Variants in IL23R observed in about 807,000 individuals in gnomAD.
IL23R encodes the protein interleukin 23 receptor, also known as interleukin-23 receptor.
A neutral mutation model predicts 56.9 loss-of-function variants in IL23R; 34 were observed. The ratio of observed to expected loss-of-function variants is 0.60; its 90% CI spans 0.45 to 0.80. IL23R has a LOEUF of 0.80. IL23R is among the 30% of genes least tolerant of loss of function. The probability of loss-of-function intolerance (pLI) is 0.00; values close to 1 mark genes in which losing one functional copy is unlikely to be tolerated. For synonymous variants in IL23R, 230 were observed against 249.2 expected (o/e 0.92, Z 0.73); for missense variants, 635 against 730.0 (o/e 0.87, Z 1.50).
chr1:67,195,610 A>G (rs1570823124), intron 4 of IL23R, among the ~76,000 whole-genome samples: 1 of 152,100 alleles, frequency 6.6e-6, no homozygotes, highest in Non-Finnish European at 1.5e-5. Context: ...TCGTCCTCTC[A>G]TGGTGTTCAT....
chr1:67,236,715 C>A lies in IL23R; in HGVS notation c.958C>A (p.Pro320Thr). 2 of 1,610,388 alleles carry A rather than the reference C, an allele frequency of 1.2e-6. No homozygotes were observed. Among genetic ancestry groups the A allele is most frequent in the South Asian group, 1.1e-5 (1 of 91,004 alleles). The change falls in exon 8 of 11, where the codon CCC becomes ACC. Residue 320 changes from proline (P) to threonine (T), a missense_variant and splice_region_variant. By Grantham distance (38) the Pro-to-Thr change is conservative. Transcript: ENST00000347310. ...LFFHKTPETV[P>T]QVTSKAFQHD... is the part of the protein sequence containing the mutation. ...ACACTCTTTCCTTTTGGTTTAAGTT[C>A]CCCAGGTCACATCAAAAGCATTCCA...
chr1:67,263,058 G>A (rs567423447), downstream of IL23R, among the ~76,000 whole-genome samples: 3 of 151,176 alleles, frequency 2.0e-5, no homozygotes, highest in South Asian at 2.1e-4. Context: ...TGCTTGGTAC[G>A]TGTGCAGGTG....
At chr1:67,243,936 A>G (rs576905255) in intron 9 of IL23R, among the ~76,000 whole-genome samples, 1 of 152,302 alleles carries the variant, frequency 6.6e-6, no homozygotes, top group Admixed American at 6.5e-5. Flanking sequence ...ACAGTGTAAA[A>G]GCATTCCTAT....
chr1:67,155,639 A>G (rs1646764923), intron 1 of IL23R, among the ~76,000 whole-genome samples: 1 of 152,146 alleles, frequency 6.6e-6, no homozygotes, highest in Admixed American at 6.5e-5. Flanking sequence ...TTTCAGCTCC[A>G]TCACATCATT....
upstream of IL23R, among the ~76,000 whole-genome samples, chr1:67,163,150 C>T (rs1469847099): frequency 6.6e-6 from 1 of 152,050 alleles, no homozygotes; most frequent in Non-Finnish European, 1.5e-5. Context: ...GCAGCTGCTA[C>T]AGATACCATC....
chr1:67,206,907 T>TAA lies in IL23R; in HGVS notation c.653-2_653-1insAA. 2 of 1,403,644 alleles carry TAA rather than the reference T, an allele frequency of 1.4e-6. No individual in the cohort carries two copies. Among genetic ancestry groups the TAA allele is most frequent in the Non-Finnish European group, 1.9e-6 (2 of 1,040,946 alleles). The allele number at this position is 1,403,644 out of a possible 1,614,324, so 86.9% of individuals were successfully genotyped here. On this transcript the variant is annotated splice_region_variant and splice_polypyrimidine_tract_variant and intron_variant, in intron 5 of 10. Coordinates refer to ENST00000347310, the MANE Select transcript of IL23R (RefSeq NM_144701.3). The stretch of plus-strand genomic sequence containing the variant: ...GTCTTTTTTTTTTTTTTTTTTTTTC[T>TAA]AGTGATACCTTCTGCAGCCGTCATT...
intron 1 of IL23R, among the ~76,000 whole-genome samples, chr1:67,150,314 T>C (rs1646716995): frequency 6.7e-6 from 1 of 148,756 alleles, no homozygotes; most frequent in Admixed American, 6.8e-5. Context: ...GCAGGTTCAT[T>C]ACATAGGTAT....
intron 4 of IL23R, among the ~76,000 whole-genome samples, chr1:67,194,626 G>A (rs1647998983): frequency 6.6e-6 from 1 of 152,154 alleles, no homozygotes; most frequent in Non-Finnish European, 1.5e-5. Context: ...TAGTAACTAT[G>A]GTTACTGTCA....
rs896925258 is a variant in IL23R at position 67,161,417 on chromosome 1, G to GA, written c.-633-6668dup. ...GGAAGTTATAGAAAAGCAAAAGGAA[G>GA]AAAAAAATCATAATTCCATAATCCA... is the stretch of plus-strand genomic sequence containing the variant. On this transcript the variant is annotated intron_variant, in intron 1 of 10. Transcript: ENST00000637002. Among the ~76,000 whole-genome samples the GA allele has an allele frequency of 3.2e-4, 49 of 151,890 alleles. 1 individual carries two copies. Among genetic ancestry groups the GA allele is most frequent in the Admixed American group, 2.0e-4 (3 of 15,246 alleles).
Position 67,141,961 on chromosome 1 carries a change from T to C in IL23R, c.-634+2800T>C, listed in dbSNP as rs537148353. Among the ~76,000 whole-genome samples the C allele has an allele frequency of 1.1e-4, 16 of 152,292 alleles. No homozygotes were observed. The East Asian group carries it at 2.9e-3, about 28-fold the overall frequency. On this transcript the variant is annotated intron_variant, in intron 1 of 10. Coordinates refer to the IL23R transcript ENST00000637002. ...CAAAGACAGTTATTCAATTAAGACA[T>C]GCATTACATTATTTCTTACTTTTTA... is the stretch of plus-strand genomic sequence containing the variant.
chr1:67,200,852 G>T lies in IL23R; in HGVS notation c.607G>T (p.Gly203Cys). 6.2e-7 allele frequency: 1 copy of T among 1,614,058 alleles called. No individual in the cohort carries two copies. The highest frequency in any genetic ancestry group is 1.1e-5 in the South Asian group (1 of 91,074). The change falls in exon 5 of 11, where the codon GGC becomes TGC. Residue 203 changes from glycine (G) to cysteine (C), a missense_variant. Gly to Cys is a radical substitution (Grantham distance 159, BLOSUM62 -3). Coordinates refer to ENST00000347310, the MANE Select transcript of IL23R (RefSeq NM_144701.3). The part of the protein sequence containing the change: ...LVWVQAANAL[G>C]MEESKQLQIH... ...TTGGGTCCAAGCAGCAAACGCACTA[G>T]GCATGGAAGAGTCAAAACAACTGCA...
chr1:67,205,587 T>A (rs1311986291), intron 5 of IL23R, among the ~76,000 whole-genome samples: 1 of 152,208 alleles, frequency 6.6e-6, no homozygotes, highest in East Asian at 1.9e-4. Flanking sequence ...TTTAGAAACA[T>A]AGCGATTCCA....
intron 5 of IL23R, among the ~76,000 whole-genome samples, chr1:67,203,813 A>G (rs575375931): frequency 6.6e-6 from 1 of 152,336 alleles, no homozygotes; most frequent in African/African-American, 2.4e-5. Flanking sequence ...GCTGAATGGC[A>G]GCGCAGAGTT....
chr1:67,231,621 T>C (rs1651104674), intron 7 of IL23R, among the ~76,000 whole-genome samples: 2 of 152,248 alleles, frequency 1.3e-5, no homozygotes, highest in Middle Eastern at 3.4e-3. Flanking sequence ...AGTTTCTCAA[T>C]AGGGGTAAGA....
intron 1 of IL23R, among the ~76,000 whole-genome samples, chr1:67,158,289 C>G (rs1646787769): frequency 6.6e-6 from 1 of 151,948 alleles, no homozygotes; most frequent in Admixed American, 6.6e-5. Flanking sequence ...AGCCCCCAAA[C>G]TGGGGTTTAG....
At chr1:67,144,083 A>G (rs1251416447) in intron 1 of IL23R, among the ~76,000 whole-genome samples, 1 of 152,222 alleles carries the variant, frequency 6.6e-6, no homozygotes, top group Non-Finnish European at 1.5e-5. Flanking sequence ...TAGCTGCAAA[A>G]CAACTTTCCC....
At chr1:67,181,806 G>A (rs1335147757) in intron 3 of IL23R, among the ~76,000 whole-genome samples, 3 of 152,146 alleles carry the variant, frequency 2.0e-5, no homozygotes, top group African/African-American at 7.2e-5. Flanking sequence ...TACAGATGGG[G>A]TTTTGGTGTG....
At chr1:67,253,691 G>A (rs1197003316) in intron 9 of IL23R, among the ~76,000 whole-genome samples, 1 of 151,902 alleles carries the variant, frequency 6.6e-6, no homozygotes, top group African/African-American at 2.4e-5. Flanking sequence ...TTTTATTTGA[G>A]GCTGTTTTAA....
chr1:67,223,319 G>T (rs1483058280), intron 7 of IL23R, among the ~76,000 whole-genome samples: 1 of 152,030 alleles, frequency 6.6e-6, no homozygotes, highest in African/African-American at 2.4e-5. Flanking sequence ...AAGGAAATAG[G>T]AACACCACAG....
Sources: allele counts gnomAD v4.1 joint callset (sites outside exome capture counted in the v4.1 genomes callset), GRCh38; gene constraint gnomAD v4.1.1; transcripts MANE v1.5; gene names NCBI Gene and HGNC (gene_info 2026-07-23, HGNC 2026-07-21).